The following PDE1A variants were observed in gnomAD, a reference collection of about 807,000 sequenced individuals.
PDE1A encodes dual specificity calcium/calmodulin-dependent 3',5'-cyclic nucleotide phosphodiesterase 1A.
Under a neutral mutation model 61.7 loss-of-function variants are expected in PDE1A, and 35 were observed. That is an observed-to-expected ratio of 0.57 (90% CI 0.43 to 0.75). PDE1A has a LOEUF of 0.75. PDE1A is among the 30% of genes least tolerant of loss of function. PDE1A has a pLI of 0.00. For missense variants in PDE1A, 597 were observed against 630.6 expected (o/e 0.95, Z 0.57); for synonymous variants, 232 against 213.2 (o/e 1.09, Z -0.77).
chr2:182,403,586 C>G (rs1410115586), intron 1 of PDE1A, among the ~76,000 whole-genome samples: 27 of 115,630 alleles, frequency 2.3e-4, no homozygotes, highest in African/African-American at 9.0e-4. Context: ...GCGACAGAGC[C>G]AGACTCCGTC....
the PDE1A span, among the ~76,000 whole-genome samples, chr2:182,630,350 T>C: frequency 1.3e-5 from 2 of 152,198 alleles, no homozygotes; most frequent in Non-Finnish European, 2.9e-5. Context: ...ACACCATATG[T>C]TGCAGGAAAC....
At chr2:182,260,129 A>G (rs889831068) in intron 2 of PDE1A, among the ~76,000 whole-genome samples, 1 of 152,184 alleles carries the variant, frequency 6.6e-6, no homozygotes, top group African/African-American at 2.4e-5. Context: ...TGCTTTCTTA[A>G]CTGAAATTCT....
chr2:182,218,108 T>C (rs1688373061), intron 7 of PDE1A, among the ~76,000 whole-genome samples: 1 of 150,428 alleles, frequency 6.6e-6, no homozygotes, highest in African/African-American at 2.5e-5. Flanking sequence ...GATGAGTTCA[T>C]GTCCTTTGTA....
the PDE1A span, among the ~76,000 whole-genome samples, chr2:182,592,793 A>C: frequency 6.6e-6 from 1 of 152,226 alleles, no homozygotes; most frequent in Admixed American, 6.5e-5. Flanking sequence ...AAAACAAGTC[A>C]AAAAAGGAAA....
chr2:182,540,156 G>T, the PDE1A span, among the ~76,000 whole-genome samples: 1 of 152,014 alleles, frequency 6.6e-6, no homozygotes, highest in East Asian at 1.9e-4. Context: ...TTGAGGTCAG[G>T]AGTTCGAACC....
At chr2:182,344,249 TA>T (rs1354634256) in intron 1 of PDE1A, among the ~76,000 whole-genome samples, 1 of 152,152 alleles carries the variant, frequency 6.6e-6, no homozygotes, top group African/African-American at 2.4e-5. Context: ...TACTATAAAA[TA>T]TATGAATATA....
At chr2:182,613,163 T>C in the PDE1A span, among the ~76,000 whole-genome samples, 6 of 152,214 alleles carry the variant, frequency 3.9e-5, no homozygotes, top group Non-Finnish European at 8.8e-5. Context: ...ATGACACTAT[T>C]TTTTATATTT....
At chr2:182,415,665 T>G (rs934376870) in intron 1 of PDE1A, among the ~76,000 whole-genome samples, 2 of 152,194 alleles carry the variant, frequency 1.3e-5, no homozygotes, top group Non-Finnish European at 2.9e-5. Context: ...CAGTTCTTTA[T>G]GTTCTAAATT....
chr2:182,314,076 T>C (rs563897558), intron 1 of PDE1A, among the ~76,000 whole-genome samples: 2 of 152,306 alleles, frequency 1.3e-5, no homozygotes, highest in East Asian at 3.9e-4. Flanking sequence ...ATACACAGAT[T>C]TGTACACTAA....
At chr2:182,491,843 A>G (rs1168639069) in intron 2 of PDE1A, among the ~76,000 whole-genome samples, 2 of 152,168 alleles carry the variant, frequency 1.3e-5, no homozygotes, top group Admixed American at 1.3e-4. Context: ...CACTTTTCCT[A>G]CCAGTTGTTT....
intron 2 of PDE1A, among the ~76,000 whole-genome samples, chr2:182,483,268 G>A (rs1687815337): frequency 6.6e-6 from 1 of 151,734 alleles, no homozygotes; most frequent in Non-Finnish European, 1.5e-5. Context: ...ATATTTGATA[G>A]AAAAACTAGA....
intron 2 of PDE1A, among the ~76,000 whole-genome samples, chr2:182,252,314 A>G (rs1043647735): frequency 3.3e-5 from 5 of 150,392 alleles, no homozygotes; most frequent in African/African-American, 7.6e-5. Flanking sequence ...ATGTGTAAAA[A>G]TGTTTAAAAA....
At chr2:182,417,683 G>A (rs529555110) in intron 1 of PDE1A, among the ~76,000 whole-genome samples, 1 of 152,196 alleles carries the variant, frequency 6.6e-6, no homozygotes, top group South Asian at 2.1e-4. Flanking sequence ...TTATCAAAAT[G>A]TTTTACAAAT....
the PDE1A span, among the ~76,000 whole-genome samples, chr2:182,666,666 T>C: frequency 6.6e-6 from 1 of 151,638 alleles, no homozygotes; most frequent in Non-Finnish European, 1.5e-5. Flanking sequence ...CTTGACAAGG[T>C]AGCAAGAAAC....
rs116176551 is a variant in PDE1A at position 182,435,706 on chromosome 2, G to A, written c.101+86570C>T. On this transcript the variant is annotated intron_variant, in intron 2 of 14. Coordinates refer to the PDE1A transcript ENST00000410103. ...CAAAAGTAGCTGCATACTGAGACTT[G>A]GTTAGTTTCTCTGAAACTCTGAAGT... 9.4e-3 allele frequency among the ~76,000 whole-genome samples: 1,434 copies of A among 152,158 alleles called. 20 individuals are homozygous for A. Among genetic ancestry groups the A allele is most frequent in the African/African-American group, 0.032 (1,349 of 41,540 alleles).
chr2:182,284,762 G>A (rs2125863878), intron 1 of PDE1A, among the ~76,000 whole-genome samples: 1 of 151,988 alleles, frequency 6.6e-6, no homozygotes, highest in East Asian at 1.9e-4. Flanking sequence ...ATCAATATAG[G>A]ATCATGTTGA....
the PDE1A span, among the ~76,000 whole-genome samples, chr2:182,529,017 G>C: frequency 6.6e-6 from 1 of 152,166 alleles, no homozygotes; most frequent in African/African-American, 2.4e-5. Flanking sequence ...GGAAATGTGG[G>C]GTTGAAGCCT....
intron 1 of PDE1A, among the ~76,000 whole-genome samples, chr2:182,311,193 C>T (rs1695945368): frequency 6.6e-6 from 1 of 152,234 alleles, no homozygotes; most frequent in East Asian, 1.9e-4. Flanking sequence ...TATAACTTCA[C>T]TCTTCTGCTT....
intron 10 of PDE1A, among the ~76,000 whole-genome samples, chr2:182,197,373 C>T (rs532208296): frequency 6.6e-6 from 1 of 151,418 alleles, no homozygotes; most frequent in African/African-American, 2.4e-5. Flanking sequence ...CTTAGTAGTG[C>T]CTTTGGAAGA....
Sources: allele counts gnomAD v4.1 joint callset (sites outside exome capture counted in the v4.1 genomes callset), GRCh38; gene constraint gnomAD v4.1.1; transcripts MANE v1.5; gene names NCBI Gene and HGNC (gene_info 2026-07-23, HGNC 2026-07-21).